COL6A6: variants seen among roughly 807,000 people sequenced by gnomAD.
COL6A6 encodes collagen type VI alpha 6 chain.
Under a neutral mutation model 208.6 loss-of-function variants are expected in COL6A6, and 183 were observed. The observed-to-expected ratio is 0.88, with a 90% CI of 0.78 to 0.99. COL6A6 has a LOEUF of 0.99. COL6A6 is among the 50% of genes least tolerant of loss of function. The pLI is 0.00. For missense variants in COL6A6, 2,816 were observed against 2,815.2 expected (o/e 1.00, Z -0.01); for synonymous variants, 973 against 1,011.8 (o/e 0.96, Z 0.73).
intron 8 of COL6A6, among the ~76,000 whole-genome samples, chr3:130,579,175 A>C (rs914613812): frequency 7.2e-5 from 11 of 152,288 alleles, no homozygotes; most frequent in Admixed American, 3.9e-4. Flanking sequence ...GCCTCTTGAC[A>C]GTATTTCTTA....
At chr3:130,657,395 G>A (rs1442829459) in intron 33 of COL6A6, among the ~76,000 whole-genome samples, 1 of 152,254 alleles carries the variant, frequency 6.6e-6, no homozygotes, top group Admixed American at 6.5e-5. Flanking sequence ...GTTTCAGAGA[G>A]CTGTTCTTCA....
intron 1 of COL6A6, among the ~76,000 whole-genome samples, chr3:130,535,839 T>C (rs60060852): frequency 6.6e-6 from 1 of 152,190 alleles, no homozygotes; most frequent in Non-Finnish European, 1.5e-5. Context: ...AGTAAAACAC[T>C]TTGATTAGTC....
Position 130,563,089 on chromosome 3 carries a change from T to C in COL6A6, c.86T>C (p.Val29Ala), listed in dbSNP as rs376080453. ...GCAGGCCCTGAGTATGCAGATGTTG[T>C]GTTTTTGGTGGACAGCTCTGATCGC... Reference protein sequence around the residue: ...QDSGPEYADVVFLVDSSDRLG... With the variant: ...QDSGPEYADVAFLVDSSDRLG... Residue 29 changes from valine to alanine, a missense_variant, in exon 3 of 37, where the codon GTG becomes GCG. Coordinates refer to ENST00000358511, the MANE Select transcript of COL6A6 (RefSeq NM_001102608.3). 17 of 1,611,982 alleles carry C rather than the reference T, an allele frequency of 1.1e-5. No individual in the cohort carries two copies. The highest frequency in any genetic ancestry group is 1.4e-5 in the Non-Finnish European group (17 of 1,178,708).
chr3:130,572,631 A>G (rs1226167657), intron 7 of COL6A6, among the ~76,000 whole-genome samples: 3 of 152,370 alleles, frequency 2.0e-5, no homozygotes, highest in Middle Eastern at 3.4e-3. Context: ...AATTGGATCT[A>G]TCCTTCTCCA....
chr3:130,668,269 G>T (rs546394199), intron 36 of COL6A6, among the ~76,000 whole-genome samples: 1 of 152,200 alleles, frequency 6.6e-6, no homozygotes, highest in South Asian at 2.1e-4. Context: ...CTGAGGTCAG[G>T]AGTTCGAGAC....
intron 6 of COL6A6, among the ~76,000 whole-genome samples, chr3:130,570,329 A>G (rs919156215): frequency 1.8e-4 from 27 of 152,282 alleles, no homozygotes; most frequent in African/African-American, 6.0e-4. Flanking sequence ...GTCAGCCATC[A>G]GAGAATCATG....
In COL6A6 at chr3:130,621,893, A is replaced by G. The variant is rs759177692; in HGVS notation, c.4878+10A>G. The G allele has an allele frequency of 4.4e-6, 7 of 1,608,610 alleles. No homozygotes were observed. Among genetic ancestry groups the G allele is most frequent in the Non-Finnish European group, 6.0e-6 (7 of 1,175,066 alleles). ...AAGCCAAGGAAATAAAGTAGGTCAC[A>G]TTCTTTATACTCACCAAAGTTGAGG... On this transcript the variant is annotated intron_variant, in intron 24 of 36. Coordinates refer to ENST00000358511, the MANE Select transcript of COL6A6 (RefSeq NM_001102608.3).
intron 20 of COL6A6, among the ~76,000 whole-genome samples, chr3:130,606,689 T>C (rs1454370238): frequency 6.6e-6 from 1 of 152,230 alleles, no homozygotes; most frequent in Non-Finnish European, 1.5e-5. Context: ...ATCTGTAGAT[T>C]TCAATTGTCT....
intron 1 of COL6A6, among the ~76,000 whole-genome samples, chr3:130,525,861 A>T (rs1391179058): frequency 6.6e-6 from 1 of 152,146 alleles, no homozygotes; most frequent in Non-Finnish European, 1.5e-5. Flanking sequence ...AACTCTCACC[A>T]TTCCTTCATC....
intron 36 of COL6A6, among the ~76,000 whole-genome samples, chr3:130,667,708 GAC>G (rs2066109287): frequency 6.6e-6 from 1 of 151,926 alleles, no homozygotes; most frequent in African/African-American, 2.4e-5. Context: ...TATGAGAAAA[GAC>G]ATCAACAAAA....
intron 36 of COL6A6, among the ~76,000 whole-genome samples, chr3:130,668,162 T>C (rs564080164): frequency 6.6e-6 from 1 of 151,858 alleles, no homozygotes; most frequent in South Asian, 2.1e-4. Flanking sequence ...GATTGATGGA[T>C]TTGATTTTGA....
At chr3:130,538,422 G>A (rs78163257) in intron 1 of COL6A6, among the ~76,000 whole-genome samples, 3,114 of 152,234 alleles carry the variant, frequency 0.02, 119 homozygotes, top group African/African-American at 0.072. Context: ...TTACTCACAA[G>A]CTGTCCCATT....
At chr3:130,520,826 A>T (rs1711026269) in intron 1 of COL6A6, among the ~76,000 whole-genome samples, 1 of 152,204 alleles carries the variant, frequency 6.6e-6, no homozygotes, top group Non-Finnish European at 1.5e-5. Context: ...TACTGACTCT[A>T]AATCTTATCT....
chr3:130,643,191 G>A (rs182202991), intron 31 of COL6A6, among the ~76,000 whole-genome samples, 168 bp downstream of exon 31: 3 of 152,130 alleles, frequency 2.0e-5, no homozygotes, highest in Admixed American at 6.5e-5. Context: ...TCCCTCTCTG[G>A]TTGCTATCAT....
chr3:130,611,432 A>G (rs951076966), intron 23 of COL6A6, among the ~76,000 whole-genome samples: 4 of 152,178 alleles, frequency 2.6e-5, no homozygotes, highest in Non-Finnish European at 5.9e-5. Flanking sequence ...ACCTGCTATC[A>G]TAGTACGTAT....
At chr3:130,626,584 G>A (rs757120094) in intron 25 of COL6A6, 37 bp downstream of exon 25, 2 of 1,446,052 alleles carry the variant, frequency 1.4e-6, no homozygotes, top group Non-Finnish European at 1.9e-6. Context: ...CGGATTCTTG[G>A]AATCTTTTAG....
In COL6A6 at chr3:130,573,683, C is replaced by G. The variant is rs937754390; in HGVS notation, c.2978-273C>G. ...CCGGGTTCACGCCATTCTCCTGACT[C>G]AGGCTCCCGAGTAGCTGGGACCACA... On this transcript the variant is annotated intron_variant, in intron 7 of 36. Transcript: ENST00000358511. Among the ~76,000 whole-genome samples the G allele has an allele frequency of 2.6e-5, 4 of 151,166 alleles. No homozygotes were observed. In the Admixed American group the frequency reaches 2.6e-4, roughly 10 times the overall value.
intron 1 of COL6A6, among the ~76,000 whole-genome samples, chr3:130,554,680 A>G (rs1432427216): frequency 6.6e-6 from 1 of 152,124 alleles, no homozygotes; most frequent in African/African-American, 2.4e-5. Flanking sequence ...GTCACACCAT[A>G]AGGTGTACAC....
At chr3:130,589,365 TC>T (rs1226358304) in intron 12 of COL6A6, among the ~76,000 whole-genome samples, 183 bp downstream of exon 12, 1 of 152,158 alleles carries the variant, frequency 6.6e-6, no homozygotes, top group Non-Finnish European at 1.5e-5. Context: ...TAAATTGGAG[TC>T]TTTTTTAAAA....
Sources: gnomAD v4.1 joint callset for allele counts (sites outside exome capture counted in the v4.1 genomes callset) on GRCh38, gnomAD v4.1.1 for gene constraint, MANE v1.5 for transcripts, NCBI Gene and HGNC (gene_info 2026-07-23, HGNC 2026-07-21) for gene names.